The following ZC3H12B variants were observed in gnomAD, a reference collection of about 807,000 sequenced individuals.
The protein encoded by ZC3H12B is probable ribonuclease ZC3H12B.
A neutral mutation model predicts 43.9 loss-of-function variants in ZC3H12B; 7 were observed. The ratio of observed to expected loss-of-function variants is 0.16; its 90% CI spans 0.09 to 0.30. The LOEUF (loss-of-function observed/expected upper bound fraction) is 0.30, where lower values mean the gene tolerates loss of function less well. Ranked by LOEUF, ZC3H12B falls within the 10% of genes least tolerant of loss-of-function variation. The probability of loss-of-function intolerance (pLI) is 1.00; values close to 1 mark genes in which losing one functional copy is unlikely to be tolerated. For synonymous variants in ZC3H12B, 222 were observed against 241.7 expected (o/e 0.92, Z 0.76); for missense variants, 475 against 670.2 (o/e 0.71, Z 3.22).
chrX:65,290,551 G>T, the ZC3H12B span, among the ~76,000 whole-genome samples: 1 of 111,558 alleles, frequency 9.0e-6, no homozygotes, highest in Non-Finnish European at 1.9e-5. Flanking sequence ...AGGAATACCT[G>T]CACTCATGTT....
chrX:65,218,368 G>A, the ZC3H12B span, among the ~76,000 whole-genome samples: 5 of 112,330 alleles, frequency 4.5e-5, no homozygotes, highest in African/African-American at 9.7e-5. Context: ...GACAGCCGAG[G>A]AACTGTGAAT....
chrX:65,321,895 T>G, the ZC3H12B span, among the ~76,000 whole-genome samples: 1 of 109,663 alleles, frequency 9.1e-6, no homozygotes, highest in Non-Finnish European at 1.9e-5. Context: ...TACTTAGGGG[T>G]GTAGGGAGGG....
At chrX:65,379,175 C>G (rs896963618) in intron 2 of ZC3H12B, among the ~76,000 whole-genome samples, 1 of 112,047 alleles carries the variant, frequency 8.9e-6, no homozygotes, top group Non-Finnish European at 1.9e-5. Context: ...AACAAAAAGA[C>G]AACAGTAACC....
chrX:65,287,519 G>A, the ZC3H12B span, among the ~76,000 whole-genome samples: 1 of 110,507 alleles, frequency 9.0e-6, no homozygotes, highest in South Asian at 3.9e-4. Flanking sequence ...ACTTTGGGGG[G>A]CCGAGGCAGG....
the ZC3H12B span, among the ~76,000 whole-genome samples, chrX:65,065,407 G>A: frequency 1.8e-5 from 2 of 111,789 alleles, no homozygotes; most frequent in Admixed American, 9.5e-5. Flanking sequence ...ATGAAGCTTT[G>A]TTTGGCTGAA....
chrX:65,339,869 C>T, the ZC3H12B span, among the ~76,000 whole-genome samples: 3 of 112,173 alleles, frequency 2.7e-5, no homozygotes, highest in Non-Finnish European at 5.6e-5. Flanking sequence ...CGGCCACCCC[C>T]TGCATTGCTT....
chrX:65,463,632 G>A (rs2067780567), intron 3 of ZC3H12B, among the ~76,000 whole-genome samples: 1 of 110,657 alleles, frequency 9.0e-6, no homozygotes, highest in South Asian at 3.9e-4. Flanking sequence ...GTGACTGTTG[G>A]CATTCCTAAG....
At chrX:65,146,947 C>G in the ZC3H12B span, among the ~76,000 whole-genome samples, 8 of 111,786 alleles carry the variant, frequency 7.2e-5, no homozygotes, top group Admixed American at 9.5e-5. Flanking sequence ...TGCAGCTGTT[C>G]TGGAGCAAAA....
chrX:65,351,621 G>T, the ZC3H12B span, among the ~76,000 whole-genome samples: 1 of 111,896 alleles, frequency 8.9e-6, no homozygotes, highest in African/African-American at 3.2e-5. Context: ...AAATTTACAA[G>T]AAAAAACAAA....
the ZC3H12B span, among the ~76,000 whole-genome samples, chrX:65,057,155 G>T: frequency 1.1e-3 from 127 of 111,940 alleles, no homozygotes; most frequent in African/African-American, 4.0e-3. Context: ...TTGTTCATTA[G>T]TTGATGCAGT....
At chrX:65,456,964 T>G (rs2067626953) in intron 3 of ZC3H12B, among the ~76,000 whole-genome samples, 1 of 102,766 alleles carries the variant, frequency 9.7e-6, no homozygotes, top group Admixed American at 1.0e-4. Context: ...GAGGAGCGTC[T>G]CTGCCTGGCC....
At chrX:65,170,986 C>T in the ZC3H12B span, among the ~76,000 whole-genome samples, 1 of 111,810 alleles carries the variant, frequency 8.9e-6, no homozygotes, top group Non-Finnish European at 1.9e-5. Context: ...AGAACATCCT[C>T]CTTTAGCTCA....
the ZC3H12B span, among the ~76,000 whole-genome samples, chrX:65,228,418 G>A: frequency 8.1e-5 from 9 of 111,356 alleles, no homozygotes; most frequent in Non-Finnish European, 1.5e-4. Flanking sequence ...AAAACCCACA[G>A]CCAATATCAT....
At chrX:65,351,815 C>A in the ZC3H12B span, among the ~76,000 whole-genome samples, 1 of 112,070 alleles carries the variant, frequency 8.9e-6, no homozygotes, top group Non-Finnish European at 1.9e-5. Flanking sequence ...AGTTGGGAAA[C>A]AACAGATGCT....
At chrX:65,116,561 A>G in the ZC3H12B span, among the ~76,000 whole-genome samples, 1 of 108,383 alleles carries the variant, frequency 9.2e-6, no homozygotes, top group Non-Finnish European at 1.9e-5. Flanking sequence ...CAATTTTAGG[A>G]TTTTTTTTCT....
chrX:65,224,002 G>A, the ZC3H12B span, among the ~76,000 whole-genome samples: 1 of 112,268 alleles, frequency 8.9e-6, no homozygotes, highest in East Asian at 2.8e-4. Context: ...ATTTGCACAT[G>A]CATATTTATA....
chrX:65,273,502 G>T, the ZC3H12B span, among the ~76,000 whole-genome samples: 1 of 111,245 alleles, frequency 9.0e-6, no homozygotes, highest in Non-Finnish European at 1.9e-5. Flanking sequence ...CCCAGAAAGA[G>T]AAGAGAAAGA....
At chrX:65,449,595 G>A (rs1457034091) in intron 3 of ZC3H12B, among the ~76,000 whole-genome samples, 1 of 110,290 alleles carries the variant, frequency 9.1e-6, no homozygotes, top group Non-Finnish European at 1.9e-5. Context: ...CTTTAGCCTG[G>A]GTGACAGAAT....
the ZC3H12B span, among the ~76,000 whole-genome samples, chrX:65,078,241 A>G: frequency 8.9e-6 from 1 of 112,374 alleles, no homozygotes; most frequent in Non-Finnish European, 1.9e-5. Flanking sequence ...GGATTTACAA[A>G]TATGTATTTC....
Sources: allele counts gnomAD v4.1 joint callset (sites outside exome capture counted in the v4.1 genomes callset), GRCh38; gene constraint gnomAD v4.1.1; transcripts MANE v1.5; gene names NCBI Gene and HGNC (gene_info 2026-07-23, HGNC 2026-07-21).